GABRR2: variants seen among roughly 807,000 people sequenced by gnomAD.
GABRR2 encodes the protein gamma-aminobutyric acid type A receptor subunit rho2.
GABRR2 carries 36 observed loss-of-function variants against 47.0 expected under a neutral mutation model. The ratio of observed to expected loss-of-function variants is 0.77; its 90% confidence interval spans 0.59 to 1.01. The LOEUF (loss-of-function observed/expected upper bound fraction) is 1.01. Among genes scored for constraint, GABRR2 ranks in the 50% least tolerant of loss-of-function variants. The probability of loss-of-function intolerance (pLI) is 0.00; values close to 1 mark genes in which losing one functional copy is unlikely to be tolerated. For missense variants in GABRR2, 587 were observed against 594.6 expected, an observed-to-expected ratio of 0.99 and a Z score of 0.13; for synonymous variants, 204 against 227.5, an observed-to-expected ratio of 0.90 and a Z score of 0.93.
chr6:89,315,242 G>C lies in GABRR2; in HGVS notation c.-77C>G, dbSNP rs756751412. ...GCAAATCCCCCCTGGCTTGACCATT[G>C]ATCCATCTGCTGCCTCCTGACGGGC... On this transcript the variant is annotated 5_prime_UTR_variant, in exon 1 of 9. The change creates a new upstream start codon in the 5' untranslated region. Coordinates refer to ENST00000402938, the MANE Select transcript of GABRR2 (RefSeq NM_002043.5). 1.5e-5 allele frequency: 24 copies of C among 1,605,194 alleles called. No individual in the cohort carries two copies. The East Asian group carries it at 5.2e-4, about 35-fold the overall frequency.
intron 2 of GABRR2, among the ~76,000 whole-genome samples, chr6:89,284,769 A>G (rs1416985351): frequency 6.6e-6 from 1 of 152,194 alleles, no homozygotes; most frequent in Non-Finnish European, 1.5e-5. Flanking sequence ...AAGATAATAC[A>G]TCTGTGTTGT....
rs770317024 is a variant in GABRR2 at position 89,299,769 on chromosome 6, G to C, written c.210C>G (p.Pro70=). The part of the protein sequence containing the change: ...RVDEHDFSMR[P]AFGGPAIPVG... ...GAAGAACAGTCCTACCTCCGAAGGC[G>C]GGTCTCATGCTGAAGTCGTGCTCGT... Residue 70 remains proline (P), a synonymous_variant, in exon 2 of 9, where the codon CCC becomes CCG. Coordinates refer to ENST00000402938, the MANE Select transcript of GABRR2 (RefSeq NM_002043.5). 3 of 1,612,596 alleles carry C rather than the reference G, an allele frequency of 1.9e-6. No homozygotes were observed. Among genetic ancestry groups the C allele is most frequent in the Admixed American group, 1.7e-5 (1 of 59,998 alleles).
chr6:89,298,156 G>C (rs1198388373), intron 2 of GABRR2, among the ~76,000 whole-genome samples: 1 of 152,188 alleles, frequency 6.6e-6, no homozygotes, highest in African/African-American at 2.4e-5. Context: ...GGTTGCGGTT[G>C]GAAGGGAGAT....
chr6:89,303,736 G>C (rs1156864679), intron 1 of GABRR2, among the ~76,000 whole-genome samples: 1 of 148,772 alleles, frequency 6.7e-6, no homozygotes, highest in Non-Finnish European at 1.5e-5. Flanking sequence ...AACCAAAACA[G>C]CATGGTACTG....
At chr6:89,298,630 T>TC (rs1302443560) in intron 2 of GABRR2, among the ~76,000 whole-genome samples, 4 of 152,178 alleles carry the variant, frequency 2.6e-5, no homozygotes, top group African/African-American at 7.2e-5. Context: ...TGCCTCAGTT[T>TC]CCCCAAGAGG....
At chr6:89,314,971 C>G in intron 1 of GABRR2, 82 bp downstream of exon 1, 4 of 1,234,420 alleles carry the variant, frequency 3.2e-6, no homozygotes, top group Non-Finnish European at 4.7e-6. Context: ...AGGACCTTAG[C>G]CCCCTGGGGA....
At chr6:89,294,643 A>G (rs1582458801) in intron 2 of GABRR2, among the ~76,000 whole-genome samples, 1 of 149,240 alleles carries the variant, frequency 6.7e-6, no homozygotes, top group African/African-American at 2.5e-5. Flanking sequence ...CCCAGGCTCT[A>G]CTTTTTTTTT....
chr6:89,265,284 A>G (rs567915866), intron 7 of GABRR2, among the ~76,000 whole-genome samples: 1 of 152,272 alleles, frequency 6.6e-6, no homozygotes, highest in Admixed American at 6.5e-5. Context: ...AAGTTTTTGT[A>G]TTTACAGAAG....
chr6:89,285,383 T>C (rs551128533), intron 2 of GABRR2, among the ~76,000 whole-genome samples: 13 of 152,296 alleles, frequency 8.5e-5, no homozygotes, highest in African/African-American at 2.4e-4. Flanking sequence ...TTGGTGGGGG[T>C]AATCGAACGT....
Position 89,315,143 on chromosome 6 carries a change from A to C in GABRR2, c.23T>G (p.Ile8Ser). 6.2e-7 allele frequency: 1 copy of C among 1,613,870 alleles called. No individual in the cohort carries two copies. The highest frequency in any genetic ancestry group is 8.5e-7 in the Non-Finnish European group (1 of 1,179,852). Reference sequence around the variant, plus strand: ...AACCATCAAGCAAAACAAGAACAAAATGAGTCTTGTAAAATAAGGCATTTT... The same window carrying C: ...AACCATCAAGCAAAACAAGAACAAACTGAGTCTTGTAAAATAAGGCATTTT... MPYFTRL[I>S]LFLFCLMVLV... Residue 8 changes from isoleucine to serine, a missense_variant, in exon 1 of 9, where the codon ATT (isoleucine) becomes AGT (serine). Coordinates refer to ENST00000402938, the MANE Select transcript of GABRR2 (RefSeq NM_002043.5).
At chr6:89,312,941 C>G (rs761989098) in intron 1 of GABRR2, among the ~76,000 whole-genome samples, 1 of 152,212 alleles carries the variant, frequency 6.6e-6, no homozygotes, top group African/African-American at 2.4e-5. Context: ...CAGGCTCATG[C>G]GCGGGTTTGG....
At chr6:89,264,265 G>T in intron 8 of GABRR2, 147 bp downstream of exon 8, 1 of 973,006 alleles carries the variant, frequency 1.0e-6, no homozygotes. Flanking sequence ...GTAGAAGCCA[G>T]AACCTATTCT....
At chr6:89,268,230 T>G (rs1376317764) in intron 4 of GABRR2, 134 bp from the exon 5 acceptor site, 2 of 708,468 alleles carry the variant, frequency 2.8e-6, no homozygotes, top group Non-Finnish European at 5.1e-6. Context: ...GAAACAGTTA[T>G]CTGAGTTATA....
rs1382066287 is a variant in GABRR2, at chr6:89,309,694, C to T, written c.113+5359G>A. 4.6e-5 allele frequency among the ~76,000 whole-genome samples: 7 copies of T among 152,248 alleles called. 1 individual carries two copies. Among genetic ancestry groups the T allele is most frequent in the African/African-American group, 1.7e-4 (7 of 41,546 alleles). On this transcript the variant is annotated intron_variant, in intron 1 of 8. Coordinates refer to ENST00000402938, the MANE Select transcript of GABRR2 (RefSeq NM_002043.5). ...TGCATGGCCTCCCCACTATCAGCAT[C>T]CCCCCTGGGTTGGTGCATTTGTTAC... is the stretch of plus-strand genomic sequence containing the variant.
chr6:89,265,749 CA>C lies in GABRR2; in HGVS notation c.752del (p.Leu251ArgfsTer24). On this transcript the variant is annotated frameshift_variant, in exon 7 of 9. Coordinates refer to ENST00000402938, the MANE Select transcript of GABRR2 (RefSeq NM_002043.5). LOFTEE classifies it high-confidence loss of function. Reference protein sequence around the residue: ...FYSSTGWYNRLYINFTLRRHI... With the variant: ...FYSSTGWYNRXYINFTLRRHI... ...GGCGACGCAACGTGAAGTTAATGTA[CA>C]GACGGTTGTACCAGCCTAGGGGATG... 6.2e-7 allele frequency: 1 copy of C among 1,614,056 alleles called. No individual in the cohort carries two copies. Among genetic ancestry groups the C allele is most frequent in the Non-Finnish European group, 8.5e-7 (1 of 1,179,982 alleles).
chr6:89,281,776 C>A (rs1230466495), intron 2 of GABRR2, among the ~76,000 whole-genome samples: 1 of 152,120 alleles, frequency 6.6e-6, no homozygotes, highest in Non-Finnish European at 1.5e-5. Flanking sequence ...CCACTAAGCG[C>A]TTCTCTGGAC....
intron 2 of GABRR2, among the ~76,000 whole-genome samples, chr6:89,280,245 T>TAC (rs1774235229): frequency 2.5e-5 from 3 of 119,410 alleles, no homozygotes; most frequent in African/African-American, 6.3e-5. Flanking sequence ...TATATATATA[T>TAC]ATATATATAC....
At chr6:89,304,264 C>T (rs56284619) in intron 1 of GABRR2, among the ~76,000 whole-genome samples, 10,805 of 152,082 alleles carry the variant, frequency 0.071, 507 homozygotes, top group Middle Eastern at 0.13. Flanking sequence ...AAAAACAAAC[C>T]CCATTAAAAA....
At chr6:89,261,240 T>C (rs1239951612) in intron 8 of GABRR2, among the ~76,000 whole-genome samples, 5 of 152,224 alleles carry the variant, frequency 3.3e-5, no homozygotes, top group Admixed American at 6.5e-5. Context: ...TGTTTAAATA[T>C]GGTCCAAAGT....
Sources: gnomAD v4.1 joint callset for allele counts (sites outside exome capture counted in the v4.1 genomes callset) on GRCh38, gnomAD v4.1.1 for gene constraint, MANE v1.5 for transcripts, NCBI Gene and HGNC (gene_info 2026-07-23, HGNC 2026-07-21) for gene names.